The following ALDH5A1 variants were observed in gnomAD, a reference collection of about 807,000 sequenced individuals.
The protein encoded by ALDH5A1 is succinate-semialdehyde dehydrogenase, mitochondrial.
ALDH5A1 carries 33 observed loss-of-function variants against 54.7 expected under a neutral mutation model. The observed-to-expected ratio is 0.60, with a 90% confidence interval of 0.46 to 0.81. The LOEUF is 0.81. ALDH5A1 is among the 30% of genes least tolerant of loss of function. The probability of loss-of-function intolerance (pLI) is 0.00; values close to 1 mark genes in which losing one functional copy is unlikely to be tolerated. For synonymous variants in ALDH5A1, 294 were observed against 292.7 expected, an observed-to-expected ratio of 1.00 and a Z score of -0.05; for missense variants, 657 against 711.0, an observed-to-expected ratio of 0.92 and a Z score of 0.86.
chr6:24,520,629 T>C (rs1227308663), intron 6 of ALDH5A1, 85 bp downstream of exon 6: 2 of 1,549,406 alleles, frequency 1.3e-6, no homozygotes, highest in African/African-American at 1.4e-5. Context: ...TATGTGTGCA[T>C]GTGAGTGTGT....
chr6:24,515,321 C>G lies in ALDH5A1; in HGVS notation c.870+11C>G, dbSNP rs776992531. On this transcript the variant is annotated intron_variant, in intron 5 of 9. Coordinates refer to ENST00000357578, the MANE Select transcript of ALDH5A1 (RefSeq NM_001080.3). ...ACAACTACAGGAAAGGTATGTGACT[C>G]AAGTTTCAAAGAAAACAAATGTCTT... 1.1e-5 allele frequency: 18 copies of G among 1,613,330 alleles called. No individual in the cohort carries two copies. The highest frequency in any genetic ancestry group is 1.4e-5 in the Non-Finnish European group (16 of 1,179,578).
At position 24,528,117 on chromosome 6, in the gene ALDH5A1, A is replaced by C. The variant is rs1561879315; in HGVS notation, c.1294A>C (p.Met432Leu). 4 of 1,614,124 alleles carry C rather than the reference A, an allele frequency of 2.5e-6. No individual in the cohort carries two copies. In the East Asian group the frequency reaches 8.9e-5, roughly 36 times the overall value. ...CCTGCTGTGCAATGTCACCCAGGAC[A>C]TGCTGTGCACTCATGAAGAGACTTT... ...PTLLCNVTQD[M>L]LCTHEETFGP... Residue 432 changes from methionine to leucine, a missense_variant, in exon 8 of 10, where the codon ATG (methionine) becomes CTG (leucine). Met to Leu is a conservative substitution (Grantham distance 15). Transcript: ENST00000357578.
chr6:24,511,024 C>T (rs1322308772), intron 4 of ALDH5A1, among the ~76,000 whole-genome samples: 3 of 152,096 alleles, frequency 2.0e-5, no homozygotes, highest in Admixed American at 2.0e-4. Flanking sequence ...TTGGTAGTGG[C>T]GAATTCTCTC....
At chr6:24,510,997 G>C (rs1444826971) in intron 4 of ALDH5A1, among the ~76,000 whole-genome samples, 2 of 152,186 alleles carry the variant, frequency 1.3e-5, no homozygotes, top group Admixed American at 6.5e-5. Context: ...CCTTTTATCA[G>C]TTCTTGTAGT....
At chr6:24,526,980 A>G (rs1391273236) in intron 7 of ALDH5A1, among the ~76,000 whole-genome samples, 3 of 24,210 alleles carry the variant, frequency 1.2e-4, no homozygotes, top group African/African-American at 2.3e-4. Context: ...GTGTGTATAT[A>G]TATATATATA....
At chr6:24,521,748 G>A (rs1759684118) in intron 6 of ALDH5A1, among the ~76,000 whole-genome samples, 1 of 152,028 alleles carries the variant, frequency 6.6e-6, no homozygotes, top group Non-Finnish European at 1.5e-5. Context: ...GACAGGTATG[G>A]TGGCTCAGAA....
At chr6:24,530,666 G>A (rs1208099407) in intron 8 of ALDH5A1, among the ~76,000 whole-genome samples, 1 of 152,212 alleles carries the variant, frequency 6.6e-6, no homozygotes, top group Non-Finnish European at 1.5e-5. Flanking sequence ...TATCCTTTCC[G>A]CTGGGGTATT....
At chr6:24,526,709 G>A (rs562091011) in intron 7 of ALDH5A1, among the ~76,000 whole-genome samples, 58 of 151,226 alleles carry the variant, frequency 3.8e-4, no homozygotes, top group African/African-American at 1.3e-3. Context: ...TTGGGAAAAT[G>A]GAGGAAGTGA....
chr6:24,506,073 G>C (rs1382839132), intron 4 of ALDH5A1, among the ~76,000 whole-genome samples: 2 of 151,594 alleles, frequency 1.3e-5, no homozygotes, highest in Non-Finnish European at 2.9e-5. Flanking sequence ...CTATTTGTAG[G>C]CCTTTTCAGT....
At chr6:24,500,533 G>A (rs369724229) in intron 1 of ALDH5A1, among the ~76,000 whole-genome samples, 1 of 152,086 alleles carries the variant, frequency 6.6e-6, no homozygotes, top group East Asian at 1.9e-4. Flanking sequence ...TGTAATCTCA[G>A]CACTTTGGGA....
At chr6:24,529,670 GTTTTTT>G (rs55878931) in intron 8 of ALDH5A1, among the ~76,000 whole-genome samples, 1 of 86,328 alleles carries the variant, frequency 1.2e-5, no homozygotes, top group African/African-American at 4.5e-5. Flanking sequence ...TTTGGTTTGG[GTTTTTT>G]TTTTTTTTTT....
chr6:24,503,352 A>C lies in ALDH5A1; in HGVS notation c.528A>C (p.Gly176=). 1 of 1,614,120 alleles carries C rather than the reference A, an allele frequency of 6.2e-7. No homozygotes were observed. The highest frequency in any genetic ancestry group is 1.6e-4 in the Middle Eastern group (1 of 6,062). ...CTGAGGAAGCCCGCCGTGTTTACGG[A>C]GACATTATCCACACCCCGGCAAAGG... The part of the protein sequence containing the change: ...WFSEEARRVY[G]DIIHTPAKDR... The change falls in exon 3 of 10, where the codon GGA becomes GGC. Residue 176 remains glycine, a synonymous_variant. Transcript: ENST00000357578.
At chr6:24,524,960 G>T (rs1215839942) in intron 7 of ALDH5A1, among the ~76,000 whole-genome samples, 1 of 152,184 alleles carries the variant, frequency 6.6e-6, no homozygotes, top group Non-Finnish European at 1.5e-5. Flanking sequence ...CTGTCTTGAA[G>T]ATTTTTTTCC....
At chr6:24,525,491 A>G (rs1195194232) in intron 7 of ALDH5A1, among the ~76,000 whole-genome samples, 1 of 151,666 alleles carries the variant, frequency 6.6e-6, no homozygotes, top group Non-Finnish European at 1.5e-5. Context: ...TGAGGTCAGG[A>G]GTTTGAGACC....
Position 24,494,989 on chromosome 6 carries a change from C to T in ALDH5A1, c.-8C>T. 1 of 1,314,628 alleles carries T rather than the reference C, an allele frequency of 7.6e-7. No homozygotes were observed. The highest frequency in any genetic ancestry group is 9.7e-7 in the Non-Finnish European group (1 of 1,032,990). The allele number at this position is 1,314,628 out of a possible 1,614,324, so 81.4% of individuals were successfully genotyped here. On this transcript the variant is annotated 5_prime_UTR_variant, in exon 1 of 10. Coordinates refer to ENST00000357578, the MANE Select transcript of ALDH5A1 (RefSeq NM_001080.3). ...TGCCTGTTTCCTGTCGCCGTCGTTG[C>T]CCGGGCCATGGCGACCTGCATTTGG...
chr6:24,506,914 C>T (rs977177783), intron 4 of ALDH5A1, among the ~76,000 whole-genome samples: 2 of 99,362 alleles, frequency 2.0e-5, no homozygotes, highest in Non-Finnish European at 4.5e-5. Flanking sequence ...CTTTAAAATC[C>T]ATTCTCAGAT....
At position 24,533,506 on chromosome 6, in the gene ALDH5A1, G is replaced by C; in HGVS notation, c.1403-1G>C. The C allele has an allele frequency of 6.2e-7, 1 of 1,614,016 alleles. No homozygotes were observed. The highest frequency in any genetic ancestry group is 8.5e-7 in the Non-Finnish European group (1 of 1,179,950). On this transcript the variant is annotated splice_acceptor_variant, in intron 9 of 9. Coordinates refer to ENST00000357578, the MANE Select transcript of ALDH5A1 (RefSeq NM_001080.3). LOFTEE classifies it high-confidence loss of function. ...ATATATGTCCTTTTATCCTGTGACA[G>C]GTTATTTTTACTCTCAAGACCCAGC...
At chr6:24,527,122 G>A (rs9393563) in intron 7 of ALDH5A1, among the ~76,000 whole-genome samples, 125,646 of 150,530 alleles carry the variant, frequency 0.83, 53,348 homozygotes, top group Non-Finnish European at 0.91. Flanking sequence ...AACTTCCTCA[G>A]CAACACCGGA....
At chr6:24,531,175 T>C (rs1759929754) in intron 8 of ALDH5A1, among the ~76,000 whole-genome samples, 1 of 152,288 alleles carries the variant, frequency 6.6e-6, no homozygotes, top group South Asian at 2.1e-4. Flanking sequence ...GAAATCTTTC[T>C]TATTATGTAC....
Sources: gnomAD v4.1 joint callset for allele counts (sites outside exome capture counted in the v4.1 genomes callset) on GRCh38, gnomAD v4.1.1 for gene constraint, MANE v1.5 for transcripts, NCBI Gene and HGNC (gene_info 2026-07-23, HGNC 2026-07-21) for gene names.